The following ADCY5 variants were observed in gnomAD, a reference collection of about 807,000 sequenced individuals.
ADCY5 encodes the protein adenylate cyclase 5.
ADCY5 carries 30 observed loss-of-function variants against 119.7 expected under a neutral mutation model. The observed-to-expected ratio is 0.25, with a 90% CI of 0.19 to 0.34. The LOEUF (loss-of-function observed/expected upper bound fraction) is 0.34. Ranked by LOEUF, ADCY5 falls within the 10% of genes least tolerant of loss-of-function variation. ADCY5 has a pLI of 1.00. For missense variants in ADCY5, 1,324 were observed against 1,775.2 expected (o/e 0.75, Z 4.57); for synonymous variants, 753 against 762.2 (o/e 0.99, Z 0.20).
chr3:123,320,669 G>A (rs1189036746), intron 9 of ADCY5, 80 bp downstream of exon 9: 2 of 1,559,510 alleles, frequency 1.3e-6, no homozygotes, highest in African/African-American at 2.7e-5. Context: ...CATGGAGTGT[G>A]GAGAAACCAA....
At chr3:123,444,021 T>C (rs1360188699) in intron 1 of ADCY5, among the ~76,000 whole-genome samples, 3 of 152,154 alleles carry the variant, frequency 2.0e-5, no homozygotes, top group East Asian at 3.8e-4. Flanking sequence ...TATGTAATAG[T>C]TGTGTGAGCA....
chr3:123,408,119 A>T (rs1483412633), intron 1 of ADCY5, among the ~76,000 whole-genome samples: 1 of 152,136 alleles, frequency 6.6e-6, no homozygotes, highest in East Asian at 1.9e-4. Flanking sequence ...AGAGCCCTGG[A>T]CCTACGGTGA....
At chr3:123,350,768 T>C (rs1942800607) in intron 2 of ADCY5, among the ~76,000 whole-genome samples, 1 of 152,188 alleles carries the variant, frequency 6.6e-6, no homozygotes, top group South Asian at 2.1e-4. Flanking sequence ...GTGGATTTGG[T>C]GGAATGCCCA....
chr3:123,427,473 C>A (rs887791853), intron 1 of ADCY5, among the ~76,000 whole-genome samples: 1 of 152,180 alleles, frequency 6.6e-6, no homozygotes, highest in Admixed American at 6.5e-5. Flanking sequence ...ACCATGCCTT[C>A]GCTCCTGCTG....
chr3:123,325,644 T>C (rs1941451278), intron 7 of ADCY5, among the ~76,000 whole-genome samples, 182 bp from the exon 8 acceptor site: 1 of 152,126 alleles, frequency 6.6e-6, no homozygotes, highest in African/African-American at 2.4e-5. Flanking sequence ...ATCCTGGATC[T>C]CTCCAAACTC....
At chr3:123,344,163 C>T (rs1238150503) in intron 3 of ADCY5, among the ~76,000 whole-genome samples, 2 of 152,334 alleles carry the variant, frequency 1.3e-5, no homozygotes, top group African/African-American at 4.8e-5. Context: ...CAGTCTCTTC[C>T]TCTTCCTTAG....
At chr3:123,343,259 C>T (rs891975730) in intron 3 of ADCY5, among the ~76,000 whole-genome samples, 2 of 152,204 alleles carry the variant, frequency 1.3e-5, no homozygotes, top group Non-Finnish European at 2.9e-5. Flanking sequence ...ACACTGCCCG[C>T]CTGTAGCTGA....
intron 1 of ADCY5, among the ~76,000 whole-genome samples, chr3:123,433,213 C>A: frequency 6.6e-6 from 1 of 152,190 alleles, no homozygotes; most frequent in Middle Eastern, 3.2e-3. Flanking sequence ...GCAGGCAGGG[C>A]CCCAGAGGGG....
intron 3 of ADCY5, among the ~76,000 whole-genome samples, chr3:123,333,932 G>A (rs1019536157): frequency 7.9e-5 from 12 of 152,146 alleles, no homozygotes; most frequent in South Asian, 2.1e-4. Context: ...GACACAGCCC[G>A]TCAGCGTCCC....
intron 1 of ADCY5, among the ~76,000 whole-genome samples, chr3:123,387,838 A>G (rs1944274786): frequency 6.6e-6 from 1 of 152,262 alleles, no homozygotes. Flanking sequence ...GGAGACAGAT[A>G]AAACCAGGAG....
intron 1 of ADCY5, among the ~76,000 whole-genome samples, chr3:123,358,179 T>A (rs1272443337): frequency 4.8e-5 from 4 of 83,844 alleles, no homozygotes; most frequent in African/African-American, 1.5e-4. Context: ...TGTGTGTGTG[T>A]GTGTGTGTGT....
intron 1 of ADCY5, among the ~76,000 whole-genome samples, chr3:123,389,975 C>T (rs771135751): frequency 6.6e-6 from 1 of 152,144 alleles, no homozygotes; most frequent in Non-Finnish European, 1.5e-5. Flanking sequence ...ACAATGAGGG[C>T]AAAGCCGTAG....
chr3:123,347,769 G>C lies in ADCY5; in HGVS notation c.1406+13C>G, dbSNP rs556757015. 2.5e-6 allele frequency: 4 copies of C among 1,613,764 alleles called. No individual in the cohort carries two copies. In the African/African-American group the frequency reaches 4.0e-5, roughly 16 times the overall value. ...CCCTCCCTTCCATCCTCCTCCCCCA[G>C]CTTCACCCCTACCTCACGTTGTCAT... is the stretch of plus-strand genomic sequence containing the variant. On this transcript the variant is annotated intron_variant, in intron 3 of 20. Transcript: ENST00000462833.
chr3:123,407,642 T>C (rs1387651857), intron 1 of ADCY5, among the ~76,000 whole-genome samples: 2 of 147,802 alleles, frequency 1.4e-5, no homozygotes, highest in Non-Finnish European at 3.0e-5. Context: ...GCACCTGCAG[T>C]CTCAGCTACT....
intron 3 of ADCY5, among the ~76,000 whole-genome samples, chr3:123,339,350 T>A (rs181185218): frequency 3.9e-5 from 6 of 152,122 alleles, no homozygotes; most frequent in Non-Finnish European, 5.9e-5. Context: ...CACAATCAGG[T>A]GTGGTCTTAT....
At chr3:123,442,586 GT>G (rs1347529955) in intron 1 of ADCY5, among the ~76,000 whole-genome samples, 1 of 152,232 alleles carries the variant, frequency 6.6e-6, no homozygotes, top group Non-Finnish European at 1.5e-5. Context: ...TGAACGCACT[GT>G]TCTGGGTCCC....
chr3:123,400,500 A>G (rs539645190), intron 1 of ADCY5, among the ~76,000 whole-genome samples: 1 of 152,230 alleles, frequency 6.6e-6, no homozygotes, highest in Admixed American at 6.5e-5. Flanking sequence ...TTATAACACT[A>G]ACAAACTGGA....
rs780227349 is a variant in ADCY5 at position 123,303,039 on chromosome 3, C to T, written c.2724+16G>A. The T allele has an allele frequency of 6.2e-7, 1 of 1,612,872 alleles. No homozygotes were observed. Among genetic ancestry groups the T allele is most frequent in the South Asian group, 1.1e-5 (1 of 90,928 alleles). On this transcript the variant is annotated intron_variant, in intron 14 of 20. Transcript: ENST00000462833. ...GACTCTTCAGCACTCCCTTCCAGCC[C>T]CTGTGCACCCAGTACCTCGGGGAAG...
intron 1 of ADCY5, chr3:123,367,799 C>G: frequency 6.9e-7 from 1 of 1,454,986 alleles, no homozygotes; most frequent in Non-Finnish European, 9.2e-7. Flanking sequence ...CATCTCCTCC[C>G]TCTTTCCATT....
Sources: allele counts gnomAD v4.1 joint callset (sites outside exome capture counted in the v4.1 genomes callset), GRCh38; gene constraint gnomAD v4.1.1; transcripts MANE v1.5; gene names NCBI Gene and HGNC (gene_info 2026-07-23, HGNC 2026-07-21).